Variants in USP9Y observed in about 807,000 individuals in gnomAD.
The protein encoded by USP9Y is ubiquitin carboxyl-terminal hydrolase 9Y.
A neutral mutation model predicts 53.1 loss-of-function variants in USP9Y; 41 were observed. The ratio of observed to expected loss-of-function variants is 0.77; its 90% CI spans 0.60 to 1.00. The LOEUF is 1.00. USP9Y is among the 50% of genes least tolerant of loss of function. The pLI is 0.00. For missense variants in USP9Y, 567 were observed against 535.8 expected, an observed-to-expected ratio of 1.06 and a Z score of -0.58; for synonymous variants, 220 against 173.7, an observed-to-expected ratio of 1.27 and a Z score of -2.09.
intron 27 of USP9Y, among the ~76,000 whole-genome samples, chrY:12,794,885 G>C: frequency 3.0e-5 from 1 of 33,348 alleles, no homozygotes; most frequent in African/African-American, 1.2e-4. Context: ...AGCTTTGTTG[G>C]GGTTTTTAGT....
intron 42 of USP9Y, among the ~76,000 whole-genome samples, chrY:12,854,036 C>T: frequency 9.1e-5 from 3 of 32,874 alleles, no homozygotes; most frequent in African/African-American, 2.4e-4. Flanking sequence ...CTTTTCTCCT[C>T]GTGAGAATTT....
chrY:12,776,728 G>A lies in USP9Y; in HGVS notation c.2507G>A (p.Gly836Asp). Residue 836 changes from glycine to aspartate, a missense_variant, in exon 19 of 46, where the codon GGT (glycine) becomes GAT (aspartate). Gly to Asp is a moderately conservative substitution (Grantham distance 94). Transcript: ENST00000338981. ...TATGATACACTGTGTGTTTTTGATG[G>A]TGACAAAAACAGCATTAATTGTGCA... Reference protein sequence around the residue: ...ASYDTLCVFDGDKNSINCARQ... With the variant: ...ASYDTLCVFDDDKNSINCARQ... The A allele has an allele frequency of 5.1e-6, 2 of 395,211 alleles. No homozygotes were observed. The highest frequency in any genetic ancestry group is 7.1e-6 in the Non-Finnish European group (2 of 280,628).
rs2053531699 is a variant in USP9Y, at chrY:12,812,226, CT to C, written c.4386+451del. ...TTGAGACATAATCTTGATATTTTTTCTTTTTTCTTGTCCCACTTCTCTTTTA... is the reference window on the plus strand; with the variant it reads ...TTGAGACATAATCTTGATATTTTTTCTTTTTCTTGTCCCACTTCTCTTTTA... On this transcript the variant is annotated intron_variant, in intron 30 of 45. Transcript: ENST00000338981. Among the ~76,000 whole-genome samples, 3 of 33,346 alleles carry C rather than the reference CT, an allele frequency of 9.0e-5. No homozygotes were observed. In the East Asian group the frequency reaches 2.3e-3, roughly 26 times the overall value. 89.5% of individuals were successfully genotyped at this position (33,346 alleles called of 37,273 possible). A position where few individuals can be genotyped will look rare whatever the true frequency, so the allele number is the denominator to read the frequency against.
intron 27 of USP9Y, among the ~76,000 whole-genome samples, chrY:12,795,123 C>A: frequency 1.5e-4 from 5 of 33,652 alleles, no homozygotes. Flanking sequence ...TTCTTCTCTG[C>A]GAAATTATTT....
At chrY:12,820,883 G>A in intron 33 of USP9Y, among the ~76,000 whole-genome samples, 1 of 33,439 alleles carries the variant, frequency 3.0e-5, no homozygotes, top group South Asian at 6.6e-4. Context: ...GCTATAATGT[G>A]TTTGTACTTA....
At chrY:12,805,637 G>A (rs2053523706) in intron 27 of USP9Y, among the ~76,000 whole-genome samples, 2 of 33,449 alleles carry the variant, frequency 6.0e-5, no homozygotes, top group Non-Finnish European at 1.5e-4. Context: ...TTGATGGAGC[G>A]TAGGTGGCTG....
At chrY:12,823,494 T>C (rs2053543828) in intron 33 of USP9Y, among the ~76,000 whole-genome samples, 1 of 33,014 alleles carries the variant, frequency 3.0e-5, no homozygotes, top group Non-Finnish European at 7.4e-5. Context: ...TTCATTGTTA[T>C]GTTTTGTTTT....
chrY:12,790,292 A>G, intron 24 of USP9Y, 115 bp from the exon 25 acceptor site: 4 of 210,057 alleles, frequency 1.9e-5, no homozygotes, highest in Middle Eastern at 1.2e-3. Context: ...TGAAGGAATA[A>G]CATGCCGAGG....
intron 15 of USP9Y, among the ~76,000 whole-genome samples, chrY:12,769,001 A>G (rs2053482823): frequency 3.0e-5 from 1 of 33,105 alleles, no homozygotes; most frequent in East Asian, 7.8e-4. Flanking sequence ...ATGTAAAGTC[A>G]TACACATAAA....
At chrY:12,822,080 G>A in intron 33 of USP9Y, among the ~76,000 whole-genome samples, 1 of 34,056 alleles carries the variant, frequency 2.9e-5, no homozygotes, top group Non-Finnish European at 7.3e-5. Context: ...AATATGTGAA[G>A]TGTATCTTAT....
rs771211446 is a variant in USP9Y at position 12,778,713 on chromosome Y, T to C, written c.2988T>C (p.Asn996=). Residue 996 remains asparagine, a synonymous_variant, in exon 21 of 46, where the codon AAT becomes AAC. Transcript: ENST00000338981. ...CTGGAAACCACCGTAATCATTACAA[T>C]GATGGTCCCAATCTAGAGGTGGAAA... is the stretch of plus-strand genomic sequence containing the variant. ...ASPGNHRNHY[N]DGPNLEVESC... is the part of the protein sequence containing the mutation. 2.0e-5 allele frequency: 8 copies of C among 395,930 alleles called. No homozygotes were observed. The highest frequency in any genetic ancestry group is 1.5e-4 in the Admixed American group (2 of 13,108).
intron 3 of USP9Y, among the ~76,000 whole-genome samples, chrY:12,719,453 C>CTA (rs2053433352): frequency 3.0e-5 from 1 of 33,285 alleles, no homozygotes; most frequent in Non-Finnish European, 7.4e-5. Context: ...TAATTATAAT[C>CTA]TATAATCTAA....
intron 33 of USP9Y, among the ~76,000 whole-genome samples, chrY:12,827,559 C>T (rs757804130): frequency 2.4e-4 from 8 of 33,312 alleles, no homozygotes; most frequent in Admixed American, 1.9e-3. Context: ...AGATGTTAAA[C>T]GATAAAAACT....
chrY:12,800,192 G>A (rs2053517747), intron 27 of USP9Y, among the ~76,000 whole-genome samples: 1 of 33,717 alleles, frequency 3.0e-5, no homozygotes, highest in Non-Finnish European at 7.4e-5. Context: ...AAAACTAGTG[G>A]CTGGGTTCCA....
At chrY:12,854,951 T>C (rs1276419777) in intron 42 of USP9Y, among the ~76,000 whole-genome samples, 1 of 33,725 alleles carries the variant, frequency 3.0e-5, no homozygotes, top group Non-Finnish European at 7.3e-5. Flanking sequence ...CAAGCAGTGT[T>C]ATTATCACTT....
intron 16 of USP9Y, among the ~76,000 whole-genome samples, chrY:12,773,025 T>C (rs985063138): frequency 6.0e-5 from 2 of 33,219 alleles, no homozygotes; most frequent in East Asian, 1.6e-3. Flanking sequence ...CATTGTTTTA[T>C]TGTAGTGAAC....
At chrY:12,774,074 T>C in intron 17 of USP9Y, 149 bp downstream of exon 17, 1 of 148,629 alleles carries the variant, frequency 6.7e-6, no homozygotes, top group Non-Finnish European at 1.2e-5. Flanking sequence ...GCAAGGATAA[T>C]TGCTCTTCTT....
At chrY:12,799,023 AC>A (rs2053516303) in intron 27 of USP9Y, among the ~76,000 whole-genome samples, 2 of 30,842 alleles carry the variant, frequency 6.5e-5, no homozygotes, top group South Asian at 7.9e-4. Flanking sequence ...GTGCCACCAC[AC>A]CAAACTAATT....
intron 7 of USP9Y, among the ~76,000 whole-genome samples, chrY:12,728,787 C>CT (rs1425330394): frequency 3.9e-4 from 13 of 33,155 alleles, no homozygotes; most frequent in Admixed American, 1.7e-3. Context: ...CTGGCAATTT[C>CT]TTTATTTTTT....
Sources: gnomAD v4.1 joint callset for allele counts (sites outside exome capture counted in the v4.1 genomes callset) on GRCh38, gnomAD v4.1.1 for gene constraint, MANE v1.5 for transcripts, NCBI Gene and HGNC (gene_info 2026-07-23, HGNC 2026-07-21) for gene names.